RIN3: variants seen among roughly 807,000 people sequenced by gnomAD.
RIN3 encodes the protein Ras and Rab interactor 3, also known as RAB5 interacting protein 3.
In RIN3, 54 loss-of-function variants were observed where a neutral mutation model predicts 76.3. The observed-to-expected ratio is 0.71, with a 90% confidence interval of 0.57 to 0.89. The LOEUF (loss-of-function observed/expected upper bound fraction) is 0.89. Ranked by LOEUF, RIN3 falls within the 40% of genes least tolerant of loss-of-function variation. RIN3 has a pLI of 0.00. For missense variants in RIN3, 1,256 were observed against 1,322.1 expected (o/e 0.95, Z 0.78); for synonymous variants, 576 against 564.0 (o/e 1.02, Z -0.30).
chr14:92,555,956 G>T lies in RIN3; in HGVS notation c.249+1G>T. ...GATCCTGCACCGGGTGGTGGCTGGG[G>T]TGAGTGGGGGCGTCTCCCACTTGGT... On this transcript the variant is annotated splice_donor_variant, in intron 2 of 9. Transcript: ENST00000216487. LOFTEE classifies it high-confidence loss of function. 18 of 1,610,796 alleles carry T rather than the reference G, an allele frequency of 1.1e-5. No homozygotes were observed. The highest frequency in any genetic ancestry group is 1.4e-5 in the Non-Finnish European group (17 of 1,179,758).
rs747857960 is a variant in RIN3, at chr14:92,659,274, G to A, written c.2140G>A (p.Glu714Lys). 3.1e-6 allele frequency: 5 copies of A among 1,614,118 alleles called. No homozygotes were observed. Among genetic ancestry groups the A allele is most frequent in the East Asian group, 4.5e-5 (2 of 44,888 alleles). Residue 714 changes from glutamate (E) to lysine (K), a missense_variant, in exon 7 of 10, where the codon GAG becomes AAG. By Grantham distance (56) the Glu-to-Lys change is moderately conservative. Coordinates refer to ENST00000216487, the MANE Select transcript of RIN3 (RefSeq NM_024832.5). ...GGATGGTTCGCTGCAGCAGCTCAAG[G>A]AGAACCAGTTAGTGATCCTGGCCAC... ...SKDGSLQQLK[E>K]NQLVILATTT...
intron 3 of RIN3, among the ~76,000 whole-genome samples, chr14:92,587,412 GC>G (rs74418919): frequency 0.11 from 16,757 of 152,236 alleles, 1,336 homozygotes; most frequent in East Asian, 0.45. Context: ...GTACAGTAAT[GC>G]CCCTCTAGGA....
chr14:92,556,104 C>A, intron 2 of RIN3, 149 bp downstream of exon 2: 2 of 707,102 alleles, frequency 2.8e-6, no homozygotes, highest in South Asian at 1.8e-5. Context: ...CAGCTTTTGA[C>A]CACAATTTTC....
In RIN3 at chr14:92,688,348, C is replaced by T; in HGVS notation, c.*96C>T. On this transcript the variant is annotated 3_prime_UTR_variant, in exon 10 of 10. Coordinates refer to ENST00000216487, the MANE Select transcript of RIN3 (RefSeq NM_024832.5). The stretch of plus-strand genomic sequence containing the variant: ...CCGCGACGTCCACGCAGCAGAGGGA[C>T]ATGGGCCATTCCATGACGTGCCCAG... 8.3e-7 allele frequency: 1 copy of T among 1,208,620 alleles called. No individual in the cohort carries two copies. The highest frequency in any genetic ancestry group is 1.1e-6 in the Non-Finnish European group (1 of 892,138). The allele number at this position is 1,208,620 out of a possible 1,614,324, so 74.9% of individuals were successfully genotyped here. A position where few individuals can be genotyped will look rare whatever the true frequency, so the allele number is the denominator to read the frequency against.
chr14:92,561,079 A>G (rs2140041257), intron 2 of RIN3, among the ~76,000 whole-genome samples: 1 of 127,082 alleles, frequency 7.9e-6, no homozygotes, highest in African/African-American at 2.8e-5. Flanking sequence ...TGCCATAAAT[A>G]TATATATATC....
At chr14:92,613,653 C>G (rs1351136442) in intron 3 of RIN3, among the ~76,000 whole-genome samples, 1 of 152,118 alleles carries the variant, frequency 6.6e-6, no homozygotes, top group Admixed American at 6.5e-5. Context: ...CACCTATGTG[C>G]GTGTGGCTTT....
At chr14:92,569,285 G>C (rs145609402) in intron 2 of RIN3, among the ~76,000 whole-genome samples, 55 of 152,310 alleles carry the variant, frequency 3.6e-4, no homozygotes, top group Admixed American at 1.3e-3. Context: ...AGCTGCGGGT[G>C]GGGTGAGTGG....
intron 1 of RIN3, among the ~76,000 whole-genome samples, chr14:92,527,459 A>C (rs1427284095): frequency 6.6e-6 from 1 of 152,170 alleles, no homozygotes; most frequent in East Asian, 1.9e-4. Flanking sequence ...ATTTCCAAAT[A>C]AGGTCACTTT....
At chr14:92,560,290 C>T (rs1211729242) in intron 2 of RIN3, among the ~76,000 whole-genome samples, 2 of 152,104 alleles carry the variant, frequency 1.3e-5, no homozygotes, top group Non-Finnish European at 2.9e-5. Context: ...CCCACTGCCA[C>T]CCACTCACCA....
In RIN3 at chr14:92,515,166, C is replaced by T. The variant is rs1342013155; in HGVS notation, c.44+1190C>T. The T allele has an allele frequency of 5.8e-6, 4 of 686,216 alleles. No homozygotes were observed. The East Asian group carries it at 8.2e-5, about 14-fold the overall frequency. The allele number at this position is 686,216 out of a possible 1,614,324, so 42.5% of individuals were successfully genotyped here. On this transcript the variant is annotated intron_variant, in intron 1 of 9. Transcript: ENST00000216487. ...TTCTTCTCCCTCCATCCTGCCAGCC[C>T]GGAAATTCTGGATGCTGGTTTCTTT...
chr14:92,622,667 C>T (rs2140111164), intron 4 of RIN3, among the ~76,000 whole-genome samples: 2 of 152,314 alleles, frequency 1.3e-5, no homozygotes, highest in Middle Eastern at 6.8e-3. Flanking sequence ...TAGGCTAATT[C>T]CGATTGTCTA....
intron 7 of RIN3, among the ~76,000 whole-genome samples, chr14:92,662,354 G>T (rs763254761): frequency 6.6e-6 from 1 of 152,208 alleles, no homozygotes; most frequent in Non-Finnish European, 1.5e-5. Flanking sequence ...GAACAGCCTC[G>T]GGGAGAGCAG....
chr14:92,653,063 G>A lies in RIN3; in HGVS notation c.2014G>A (p.Glu672Lys), dbSNP rs559000870. Residue 672 changes from glutamate to lysine, a missense_variant, in exon 6 of 10, where the codon GAG becomes AAG. Coordinates refer to ENST00000216487, the MANE Select transcript of RIN3 (RefSeq NM_024832.5). ...KALVDPALHS[E>K]EELEAIVESA... ...CCTGGTGGACCCCGCCCTGCACTCC[G>A]AGGAGGAGCTCGGTCAGTGCCCTGG... 1.2e-5 allele frequency: 20 copies of A among 1,602,618 alleles called. No individual in the cohort carries two copies. Among genetic ancestry groups the A allele is most frequent in the Middle Eastern group, 1.7e-4 (1 of 6,052 alleles).
At chr14:92,621,923 A>G (rs1886197376) in intron 4 of RIN3, among the ~76,000 whole-genome samples, 2 of 152,230 alleles carry the variant, frequency 1.3e-5, no homozygotes, top group Admixed American at 6.5e-5. Flanking sequence ...AGATAAGCCA[A>G]TGAAGGCTAT....
At chr14:92,590,562 G>T (rs1017345444) in intron 3 of RIN3, among the ~76,000 whole-genome samples, 1 of 152,216 alleles carries the variant, frequency 6.6e-6, no homozygotes, top group African/African-American at 2.4e-5. Flanking sequence ...AAGCTGAGCT[G>T]ATACGAGCAC....
rs553594902 is a variant in RIN3, at chr14:92,643,525, T to G, written c.532+2196T>G. On this transcript the variant is annotated intron_variant, in intron 5 of 9. Transcript: ENST00000216487. The surrounding 1 kb of genome is among the most constrained non-coding windows in gnomAD (Gnocchi z 4.8). ...CTTGGATGTGGGACAGGTGACAGTT[T>G]TGTAATTTGCACTTTTGTAAGGTGC... Among the ~76,000 whole-genome samples the G allele has an allele frequency of 6.6e-6, 1 of 152,348 alleles. No homozygotes were observed. Among genetic ancestry groups the G allele is most frequent in the Admixed American group, 6.5e-5 (1 of 15,302 alleles).
Position 92,615,472 on chromosome 14 carries a change from G to T in RIN3, c.433G>T (p.Val145Phe), listed in dbSNP as rs1171779410. 1.2e-6 allele frequency: 2 copies of T among 1,613,134 alleles called. No individual in the cohort carries two copies. The highest frequency in any genetic ancestry group is 1.3e-5 in the African/African-American group (1 of 74,904). ...DIFRLIAFYC[V>F]SRDLLPFTLR... is the part of the protein sequence containing the mutation. The stretch of plus-strand genomic sequence containing the variant: ...CTTCAGATTGATTGCGTTCTACTGT[G>T]TCAGTAGGTGAGTAGACCCGGCCCT... Residue 145 changes from valine (V) to phenylalanine (F), a missense_variant, in exon 4 of 10, where the codon GTC becomes TTC. Physicochemically the swap from Val to Phe is conservative, Grantham distance 50. Around this residue, in one of 3 missense-constraint regions of RIN3, gnomAD observed 610 missense variants for 626.4 expected, o/e 0.97. Transcript: ENST00000216487.
At chr14:92,560,510 T>A (rs531510782) in intron 2 of RIN3, among the ~76,000 whole-genome samples, 2 of 152,336 alleles carry the variant, frequency 1.3e-5, no homozygotes, top group South Asian at 4.1e-4. Flanking sequence ...ATGATCTTAC[T>A]TGATCCTCAG....
chr14:92,666,785 G>A (rs1215776011), intron 7 of RIN3, among the ~76,000 whole-genome samples: 1 of 152,070 alleles, frequency 6.6e-6, no homozygotes, highest in Non-Finnish European at 1.5e-5. Context: ...CGGTAGGGGT[G>A]CAGTTTGGGA....
Sources: gnomAD v4.1 joint callset for allele counts (sites outside exome capture counted in the v4.1 genomes callset) on GRCh38, gnomAD v4.1.1 for gene constraint, gnomAD v4.1.1 regional missense constraint, Gnocchi (gnomAD v3.1) non-coding constraint, MANE v1.5 for transcripts, NCBI Gene and HGNC (gene_info 2026-07-23, HGNC 2026-07-21) for gene names.